The following PTPRG variants were observed in gnomAD, a reference collection of about 807,000 sequenced individuals.
PTPRG encodes receptor-type tyrosine-protein phosphatase gamma.
PTPRG carries 102 observed loss-of-function variants against 165.3 expected under a neutral mutation model. That is an observed-to-expected ratio of 0.62 (90% CI 0.53 to 0.73). The LOEUF (loss-of-function observed/expected upper bound fraction) is 0.73, where lower values mean the gene tolerates loss of function less well. PTPRG is among the 30% of genes least tolerant of loss of function. The probability of loss-of-function intolerance (pLI) is 0.00; values close to 1 mark genes in which losing one functional copy is unlikely to be tolerated. For synonymous variants in PTPRG, 675 were observed against 669.5 expected (o/e 1.01, Z -0.13); for missense variants, 1,866 against 1,861.4 (o/e 1.00, Z -0.05).
intron 7 of PTPRG, among the ~76,000 whole-genome samples, chr3:62,163,261 A>G (rs1406223869): frequency 6.6e-6 from 1 of 151,850 alleles, no homozygotes; most frequent in East Asian, 1.9e-4. Flanking sequence ...TGGGCAAGTT[A>G]CTCAATGCCT....
At chr3:61,832,466 G>A (rs1575702736) in intron 2 of PTPRG, among the ~76,000 whole-genome samples, 1 of 152,124 alleles carries the variant, frequency 6.6e-6, no homozygotes, top group Non-Finnish European at 1.5e-5. Context: ...CATACAACTG[G>A]GAAGAAACTG....
intron 5 of PTPRG, among the ~76,000 whole-genome samples, chr3:62,092,361 AC>A (rs1199922660): frequency 6.8e-6 from 1 of 147,814 alleles, no homozygotes; most frequent in African/African-American, 2.5e-5. Flanking sequence ...AATCGCTTGA[AC>A]CCAGGAGGCA....
intron 1 of PTPRG, among the ~76,000 whole-genome samples, chr3:61,722,814 G>A (rs1391250202): frequency 6.6e-6 from 1 of 152,126 alleles, no homozygotes; most frequent in African/African-American, 2.4e-5. Context: ...TGGCACACAG[G>A]ATGCCTAATA....
At chr3:61,987,455 A>G (rs1389797432) in intron 2 of PTPRG, among the ~76,000 whole-genome samples, 1 of 152,176 alleles carries the variant, frequency 6.6e-6, no homozygotes, top group Non-Finnish European at 1.5e-5. Context: ...ATCGCAGAGT[A>G]TTTTTTAAAT....
chr3:62,073,403 C>T (rs1158987788), intron 4 of PTPRG, among the ~76,000 whole-genome samples: 2 of 152,142 alleles, frequency 1.3e-5, no homozygotes, highest in African/African-American at 2.4e-5. Flanking sequence ...ACCTTAGCCA[C>T]ATGATCAAGA....
chr3:61,776,617 C>T (rs2034391093), intron 2 of PTPRG, among the ~76,000 whole-genome samples: 1 of 152,114 alleles, frequency 6.6e-6, no homozygotes, highest in African/African-American at 2.4e-5. Flanking sequence ...GTTTACTACA[C>T]AAGAAATTCT....
chr3:62,021,857 C>CTTTTTTTTTTTT (rs398062374), intron 4 of PTPRG, among the ~76,000 whole-genome samples: 4 of 97,088 alleles, frequency 4.1e-5, no homozygotes, highest in Non-Finnish European at 6.4e-5. Flanking sequence ...TTTTCCTTTT[C>CTTTTTTTTTTTT]TTTTTTTTTT....
At chr3:62,055,894 G>A (rs1377315719) in intron 4 of PTPRG, among the ~76,000 whole-genome samples, 1 of 152,152 alleles carries the variant, frequency 6.6e-6, no homozygotes, top group African/African-American at 2.4e-5. Flanking sequence ...CAAAGACCCT[G>A]TTTATAAATT....
Position 61,986,919 on chromosome 3 carries a change from C to CT in PTPRG, c.191-2696dup, listed in dbSNP as rs35529835. On this transcript the variant is annotated intron_variant, in intron 2 of 29. Coordinates refer to ENST00000474889, the MANE Select transcript of PTPRG (RefSeq NM_002841.4). ...GTTAACCATAGTCTTTATTTAGTAT[C>CT]TTTTTTTTTTCTTTTACTTAAAAGT... Among the ~76,000 whole-genome samples, 227 of 150,910 alleles carry CT rather than the reference C, an allele frequency of 1.5e-3. 2 individuals are homozygous for CT. The highest frequency in any genetic ancestry group is 5.1e-3 in the African/African-American group (208 of 41,036).
At chr3:62,055,407 G>C (rs188807208) in intron 4 of PTPRG, among the ~76,000 whole-genome samples, 9 of 152,264 alleles carry the variant, frequency 5.9e-5, no homozygotes, top group Admixed American at 4.6e-4. Flanking sequence ...CTTGTAACAC[G>C]GACTAGTCAC....
intron 2 of PTPRG, among the ~76,000 whole-genome samples, chr3:61,985,914 C>T (rs979788633): frequency 6.6e-6 from 1 of 152,086 alleles, no homozygotes; most frequent in Non-Finnish European, 1.5e-5. Flanking sequence ...ATATTTGCAG[C>T]TTATTTTACC....
intron 1 of PTPRG, among the ~76,000 whole-genome samples, chr3:61,711,248 T>C (rs2031538862): frequency 1.3e-5 from 2 of 152,198 alleles, no homozygotes; most frequent in South Asian, 4.1e-4. Context: ...GCATGTGTCT[T>C]TATAGTAGAA....
At chr3:62,250,033 A>G (rs1576178226) in intron 15 of PTPRG, among the ~76,000 whole-genome samples, 5 of 152,314 alleles carry the variant, frequency 3.3e-5, no homozygotes, top group African/African-American at 1.2e-4. Flanking sequence ...GCACCTAACA[A>G]TAAATCATAG....
At chr3:61,574,942 G>A (rs1326254105) in intron 1 of PTPRG, among the ~76,000 whole-genome samples, 3 of 152,060 alleles carry the variant, frequency 2.0e-5, no homozygotes, top group Admixed American at 6.6e-5. Context: ...TCACTGCCTC[G>A]AGAATGGCAC....
chr3:62,113,943 A>G (rs373625679), intron 5 of PTPRG, among the ~76,000 whole-genome samples: 1 of 152,310 alleles, frequency 6.6e-6, no homozygotes, highest in East Asian at 1.9e-4. Context: ...AAATACTGAT[A>G]TGTTGTATTG....
intron 4 of PTPRG, among the ~76,000 whole-genome samples, chr3:62,062,734 C>T (rs1269247306): frequency 3.3e-5 from 5 of 151,972 alleles, no homozygotes; most frequent in Admixed American, 6.6e-5. Flanking sequence ...AATCATGGCT[C>T]ACTGCAGCCT....
intron 2 of PTPRG, among the ~76,000 whole-genome samples, chr3:61,890,859 A>C (rs1290896713): frequency 1.3e-5 from 2 of 152,220 alleles, no homozygotes; most frequent in African/African-American, 4.8e-5. Flanking sequence ...GCATTCTACA[A>C]ATAATGTTTT....
chr3:62,262,762 A>G, intron 16 of PTPRG, 36 bp from the exon 17 acceptor site: 9 of 1,514,936 alleles, frequency 5.9e-6, no homozygotes, highest in Non-Finnish European at 7.3e-6. Flanking sequence ...CTTTGTTTCT[A>G]AACTGTGTCT....
At chr3:62,108,751 A>T (rs1369769263) in intron 5 of PTPRG, among the ~76,000 whole-genome samples, 1 of 152,068 alleles carries the variant, frequency 6.6e-6, no homozygotes, top group African/African-American at 2.4e-5. Context: ...CTGGTGTGAG[A>T]CGGTATCTCA....
Sources: allele counts gnomAD v4.1 joint callset (sites outside exome capture counted in the v4.1 genomes callset), GRCh38; gene constraint gnomAD v4.1.1; transcripts MANE v1.5; gene names NCBI Gene and HGNC (gene_info 2026-07-23, HGNC 2026-07-21).